ARHGAP28: variants seen among roughly 807,000 people sequenced by gnomAD.
ARHGAP28 encodes the protein rho GTPase-activating protein 28.
Under a neutral mutation model 90.7 loss-of-function variants are expected in ARHGAP28, and 56 were observed. The observed-to-expected ratio is 0.62, with a 90% CI of 0.50 to 0.77. ARHGAP28 has a LOEUF of 0.77. ARHGAP28 is among the 30% of genes least tolerant of loss of function. ARHGAP28 has a pLI of 0.00. For missense variants in ARHGAP28, 869 were observed against 900.9 expected, an observed-to-expected ratio of 0.96 and a Z score of 0.45; for synonymous variants, 308 against 323.3, an observed-to-expected ratio of 0.95 and a Z score of 0.51.
chr18:6,748,951 T>C (rs149367016), intron 1 of ARHGAP28, among the ~76,000 whole-genome samples: 1 of 152,286 alleles, frequency 6.6e-6, no homozygotes, highest in East Asian at 1.9e-4. Flanking sequence ...TGTGTCAAGA[T>C]GGAGGCAAAA....
intron 10 of ARHGAP28, among the ~76,000 whole-genome samples, chr18:6,878,337 G>A (rs1033532933): frequency 1.6e-5 from 2 of 123,282 alleles, no homozygotes; most frequent in South Asian, 2.8e-4. Flanking sequence ...ACACTCTGGG[G>A]ACTGTTGTGG....
At chr18:6,891,192 G>C (rs2057262451) in intron 14 of ARHGAP28, among the ~76,000 whole-genome samples, 1 of 152,166 alleles carries the variant, frequency 6.6e-6, no homozygotes, top group Non-Finnish European at 1.5e-5. Context: ...ATGTATATGA[G>C]AGCCCCAGGG....
rs1294906077 is a variant in ARHGAP28, at chr18:6,827,590, G to A, written c.325+2626G>A. On this transcript the variant is annotated intron_variant, in intron 2 of 17. Transcript: ENST00000383472. ...GACGGGGCGACTGGCTGGGTGGGGG[G>A]CTGACCCCCACCTCCCTCCGAGACG... Among the ~76,000 whole-genome samples, 435 of 142,774 alleles carry A rather than the reference G, an allele frequency of 3.0e-3. 2 individuals are homozygous for A. The highest frequency in any genetic ancestry group is 0.011 in the African/African-American group (422 of 38,154). 93.7% of individuals were successfully genotyped at this position (142,774 alleles called of 152,430 possible). A position where few individuals can be genotyped will look rare whatever the true frequency, so the allele number is the denominator to read the frequency against.
At chr18:6,799,994 A>G (rs550746308) in intron 1 of ARHGAP28, among the ~76,000 whole-genome samples, 1 of 152,330 alleles carries the variant, frequency 6.6e-6, no homozygotes, top group Admixed American at 6.5e-5. Flanking sequence ...CAGAATCTAC[A>G]AAGAACCTAA....
At position 6,729,993 on chromosome 18, in the gene ARHGAP28, G is replaced by A. The variant is rs977141303; in HGVS notation, c.122+50G>A. On this transcript the variant is annotated intron_variant, in intron 1 of 17. Coordinates refer to ENST00000383472, the MANE Select transcript of ARHGAP28 (RefSeq NM_001366230.1). Reference sequence around the variant, plus strand: ...GCGGCGCAGTCGCGCTGGGCTTGGGGGGTTCGCCGTGCAGCTGCGCCTTGT... The same window carrying A: ...GCGGCGCAGTCGCGCTGGGCTTGGGAGGTTCGCCGTGCAGCTGCGCCTTGT... 7 of 1,299,590 alleles carry A rather than the reference G, an allele frequency of 5.4e-6. No homozygotes were observed. The African/African-American group carries it at 6.2e-5, about 12-fold the overall frequency. The allele number at this position is 1,299,590 out of a possible 1,614,324, so 80.5% of individuals were successfully genotyped here. A position where few individuals can be genotyped will look rare whatever the true frequency, so the allele number is the denominator to read the frequency against.
intron 3 of ARHGAP28, among the ~76,000 whole-genome samples, chr18:6,839,539 C>T (rs1309135343): frequency 7.2e-5 from 11 of 152,058 alleles, no homozygotes; most frequent in Admixed American, 3.9e-4. Context: ...CCTCGTGATC[C>T]GCCTGCCTCG....
Position 6,827,025 on chromosome 18 carries a change from A to T in ARHGAP28, c.325+2061A>T, listed in dbSNP as rs553491492. 5.8e-4 allele frequency among the ~76,000 whole-genome samples: 89 copies of T among 152,238 alleles called. 1 individual carries two copies. Among genetic ancestry groups the T allele is most frequent in the Admixed American group, 4.4e-3 (67 of 15,306 alleles). On this transcript the variant is annotated intron_variant, in intron 2 of 17. Coordinates refer to ENST00000383472, the MANE Select transcript of ARHGAP28 (RefSeq NM_001366230.1). Reference sequence around the variant, plus strand: ...GGGGGTAAGGTCACAGATCAACAGGATCCCAAGGCAGAAGAATTTATCTTA... The same window carrying T: ...GGGGGTAAGGTCACAGATCAACAGGTTCCCAAGGCAGAAGAATTTATCTTA...
At chr18:6,827,484 G>A (rs2056677387) in intron 2 of ARHGAP28, among the ~76,000 whole-genome samples, 1 of 143,794 alleles carries the variant, frequency 7.0e-6, no homozygotes, top group Non-Finnish European at 1.5e-5. Flanking sequence ...TCCCAGTAGG[G>A]GCGGCCGGGC....
intron 11 of ARHGAP28, among the ~76,000 whole-genome samples, chr18:6,884,182 G>A (rs977563740): frequency 1.3e-5 from 2 of 152,074 alleles, no homozygotes; most frequent in Admixed American, 6.6e-5. Flanking sequence ...AGACTATCCT[G>A]GCTAACAAGG....
At chr18:6,795,888 A>T (rs1243192186) in intron 1 of ARHGAP28, among the ~76,000 whole-genome samples, 4 of 152,230 alleles carry the variant, frequency 2.6e-5, no homozygotes, top group Non-Finnish European at 5.9e-5. Flanking sequence ...TCCCAAGGGA[A>T]GTTTTAAAAC....
At chr18:6,790,947 C>G (rs2056402195) in intron 1 of ARHGAP28, 1 of 151,910 alleles carries the variant, frequency 6.6e-6, no homozygotes, top group Non-Finnish European at 1.5e-5. Flanking sequence ...TTTTGATATC[C>G]CATAATGAAA....
chr18:6,911,377 C>T (rs1482814627), intron 17 of ARHGAP28, among the ~76,000 whole-genome samples: 1 of 103,630 alleles, frequency 9.6e-6, no homozygotes, highest in Non-Finnish European at 2.1e-5. Context: ...CATGTATTAG[C>T]ATATAAATGA....
At chr18:6,746,736 T>C (rs2056026465) in intron 1 of ARHGAP28, among the ~76,000 whole-genome samples, 1 of 152,178 alleles carries the variant, frequency 6.6e-6, no homozygotes, top group South Asian at 2.1e-4. Flanking sequence ...GTCACATTAC[T>C]TCAAATATAG....
rs144077771 is a variant in ARHGAP28 at position 6,797,882 on chromosome 18, G to A, written c.123-26880G>A. ...TCACCATGTTGGTCAGGCTGGTCTC[G>A]ATCTCCTCACCTTGTGATCCGCCTG... On this transcript the variant is annotated intron_variant, in intron 1 of 17. Coordinates refer to ENST00000383472, the MANE Select transcript of ARHGAP28 (RefSeq NM_001366230.1). 1.7e-3 allele frequency among the ~76,000 whole-genome samples: 252 copies of A among 152,120 alleles called. 3 individuals carry two copies. The East Asian group carries it at 0.025, about 15-fold the overall frequency.
intron 6 of ARHGAP28, among the ~76,000 whole-genome samples, chr18:6,868,915 T>TAC (rs1002709487): frequency 7.2e-5 from 11 of 152,218 alleles, no homozygotes; most frequent in African/African-American, 2.2e-4. Context: ...CACTGGCAGG[T>TAC]ACACTTTAAA....
intron 10 of ARHGAP28, among the ~76,000 whole-genome samples, chr18:6,878,521 T>TA (rs1218955433): frequency 6.6e-6 from 1 of 152,148 alleles, no homozygotes; most frequent in South Asian, 2.1e-4. Flanking sequence ...GGGCATTTCT[T>TA]ATGTGCACAA....
chr18:6,768,787 C>T (rs777187963), intron 1 of ARHGAP28, among the ~76,000 whole-genome samples: 12 of 152,098 alleles, frequency 7.9e-5, no homozygotes, highest in Non-Finnish European at 1.0e-4. Context: ...TCAGTGAGAC[C>T]CCAGTGTTCT....
chr18:6,873,063 A>G (rs1401061854), intron 7 of ARHGAP28, among the ~76,000 whole-genome samples: 2 of 152,110 alleles, frequency 1.3e-5, no homozygotes, highest in Admixed American at 1.3e-4. Context: ...TGTGTGTCAC[A>G]TTTATTCCAA....
intron 3 of ARHGAP28, among the ~76,000 whole-genome samples, chr18:6,842,421 C>G (rs551045518): frequency 6.6e-6 from 1 of 152,250 alleles, no homozygotes; most frequent in Admixed American, 6.5e-5. Context: ...AGTCCCTCCC[C>G]TTGCCCTGAC....
Sources: allele counts gnomAD v4.1 joint callset (sites outside exome capture counted in the v4.1 genomes callset), GRCh38; gene constraint gnomAD v4.1.1; transcripts MANE v1.5; gene names NCBI Gene and HGNC (gene_info 2026-07-23, HGNC 2026-07-21).